SCN9A: variants seen among roughly 807,000 people sequenced by gnomAD.
The protein encoded by SCN9A is sodium channel protein type 9 subunit alpha.
In SCN9A, 131 loss-of-function variants were observed where a neutral mutation model predicts 187.0. The observed-to-expected ratio is 0.70, with a 90% CI of 0.61 to 0.81. The LOEUF (loss-of-function observed/expected upper bound fraction) is 0.81. Ranked by LOEUF, SCN9A falls within the 30% of genes least tolerant of loss-of-function variation. The pLI is 0.00. For missense variants in SCN9A, 2,252 were observed against 2,396.6 expected (o/e 0.94, Z 1.26); for synonymous variants, 809 against 808.6 (o/e 1.00, Z -0.01).
chr2:166,311,147 A>G (rs1452835605), intron 2 of SCN9A, among the ~76,000 whole-genome samples: 1 of 116,586 alleles, frequency 8.6e-6, no homozygotes, highest in Non-Finnish European at 1.8e-5. Flanking sequence ...ACCTAATGCT[A>G]GATGACCAGT....
chr2:166,296,416 G>T (rs1698304695), intron 7 of SCN9A, among the ~76,000 whole-genome samples: 1 of 152,172 alleles, frequency 6.6e-6, no homozygotes, highest in South Asian at 2.1e-4. Flanking sequence ...AGTTTGAGGT[G>T]CAAATGTAGG....
intron 5 of SCN9A, among the ~76,000 whole-genome samples, chr2:166,305,255 A>G (rs1164824382): frequency 2.6e-5 from 4 of 152,144 alleles, no homozygotes; most frequent in African/African-American, 9.7e-5. Flanking sequence ...ATAAATTAAA[A>G]TTATACTGTA....
In SCN9A at chr2:166,281,790, G is replaced by A. The variant is rs375720286; in HGVS notation, c.1993C>T (p.His665Tyr). Residue 665 changes from histidine to tyrosine, a missense_variant, in exon 13 of 27, where the codon CAC (histidine) becomes TAC (tyrosine). His to Tyr is a moderately conservative substitution (Grantham distance 83). Around this residue, in one of 7 missense-constraint regions of SCN9A, gnomAD observed 1,013 missense variants for 997.4 expected, o/e 1.02. Coordinates refer to ENST00000642356, the MANE Select transcript of SCN9A (RefSeq NM_001365536.1). ...TAGGAACTACAACGCCTTTTCTTGT[G>A]TATTTGATTGGTCGTGCCCTAAAAA... The part of the protein sequence containing the change: ...SDDSGTTNQI[H>Y]KKRRCSSYLL... 6.2e-7 allele frequency: 1 copy of A among 1,611,448 alleles called. No homozygotes were observed. Among genetic ancestry groups the A allele is most frequent in the African/African-American group, 1.3e-5 (1 of 74,798 alleles).
chr2:166,296,959 A>G (rs946987195), intron 7 of SCN9A, among the ~76,000 whole-genome samples: 3 of 152,074 alleles, frequency 2.0e-5, no homozygotes, highest in African/African-American at 7.2e-5. Flanking sequence ...GCACTTTGGG[A>G]GGTCGAGGCG....
intron 1 of SCN9A, among the ~76,000 whole-genome samples, chr2:166,338,872 C>T (rs1387228408): frequency 6.6e-6 from 1 of 151,978 alleles, no homozygotes; most frequent in Non-Finnish European, 1.5e-5. Flanking sequence ...ATACTTTGCT[C>T]AAGGTAACAC....
At chr2:166,306,342 T>C (rs1574906216) in intron 4 of SCN9A, among the ~76,000 whole-genome samples, 168 bp downstream of exon 4, 1 of 152,122 alleles carries the variant, frequency 6.6e-6, no homozygotes, top group Non-Finnish European at 1.5e-5. Context: ...TTTTCTAATC[T>C]AGCAGGTTAA....
chr2:166,218,504 G>A (rs1694439425), intron 24 of SCN9A, among the ~76,000 whole-genome samples: 1 of 152,152 alleles, frequency 6.6e-6, no homozygotes, highest in South Asian at 2.1e-4. Flanking sequence ...GGAAGACGAT[G>A]TGGAGAAAGT....
Position 166,214,192 on chromosome 2 carries a change from A to G in SCN9A, c.4399-9728T>C, listed in dbSNP as rs1011781017. On this transcript the variant is annotated intron_variant, in intron 24 of 26. Transcript: ENST00000642356. Reference sequence around the variant, plus strand: ...CACAGAGCTTGGCTTTTAGATCACCATGCTTGAGGAATGGCAGAGATAAGC... The same window carrying G: ...CACAGAGCTTGGCTTTTAGATCACCGTGCTTGAGGAATGGCAGAGATAAGC... Among the ~76,000 whole-genome samples, 5 of 152,218 alleles carry G rather than the reference A, an allele frequency of 3.3e-5. No homozygotes were observed. In the East Asian group the frequency reaches 9.7e-4, roughly 30 times the overall value.
At chr2:166,231,345 T>A (rs1695074954) in intron 21 of SCN9A, among the ~76,000 whole-genome samples, 1 of 152,172 alleles carries the variant, frequency 6.6e-6, no homozygotes, top group African/African-American at 2.4e-5. Flanking sequence ...TCATGATCTT[T>A]CTTTTATACT....
intron 24 of SCN9A, among the ~76,000 whole-genome samples, chr2:166,209,507 T>C (rs1334270903): frequency 2.0e-5 from 3 of 151,798 alleles, no homozygotes; most frequent in East Asian, 1.9e-4. Flanking sequence ...AAAAGTCAAA[T>C]ATCAGTAAAA....
chr2:166,289,429 C>T (rs552128021), intron 9 of SCN9A, among the ~76,000 whole-genome samples: 92 of 151,842 alleles, frequency 6.1e-4, no homozygotes, highest in African/African-American at 2.0e-3. Context: ...TGAGAACATG[C>T]GTTGTTTGGT....
intron 1 of SCN9A, among the ~76,000 whole-genome samples, chr2:166,326,292 C>T (rs1183383159): frequency 2.0e-5 from 3 of 152,132 alleles, no homozygotes; most frequent in Admixed American, 6.5e-5. Context: ...AGGTGCGAAA[C>T]GATTGAATCT....
chr2:166,240,850 G>A (rs1210528520), intron 19 of SCN9A, among the ~76,000 whole-genome samples: 1 of 152,022 alleles, frequency 6.6e-6, no homozygotes, highest in Non-Finnish European at 1.5e-5. Context: ...AGGGTCTCTG[G>A]GACAAAGAGC....
chr2:166,323,638 T>A (rs1699296213), intron 1 of SCN9A, among the ~76,000 whole-genome samples: 1 of 152,154 alleles, frequency 6.6e-6, no homozygotes, highest in African/African-American at 2.4e-5. Flanking sequence ...CTTGGCCACA[T>A]AACAGGTACT....
chr2:166,284,047 G>A (rs533817015), intron 12 of SCN9A, among the ~76,000 whole-genome samples: 1 of 152,288 alleles, frequency 6.6e-6, no homozygotes, highest in East Asian at 1.9e-4. Flanking sequence ...TACATATTAA[G>A]CTGTGACCTG....
intron 16 of SCN9A, among the ~76,000 whole-genome samples, chr2:166,275,776 A>C (rs1279214888): frequency 6.6e-6 from 1 of 152,152 alleles, no homozygotes; most frequent in East Asian, 1.9e-4. Context: ...TCCAGGATGT[A>C]TATTTTTTGT....
At chr2:166,372,475 A>G (rs1309313261) in intron 1 of SCN9A, among the ~76,000 whole-genome samples, 5 of 152,204 alleles carry the variant, frequency 3.3e-5, no homozygotes, top group Admixed American at 6.5e-5. Context: ...AAACCTAACA[A>G]GGTTATCATT....
Position 166,228,844 on chromosome 2 carries a change from A to C in SCN9A, c.4053T>G (p.Ile1351Met). Residue 1351 changes from isoleucine (I) to methionine (M), a missense_variant, in exon 22 of 27, where the codon ATT becomes ATG. Coordinates refer to ENST00000642356, the MANE Select transcript of SCN9A (RefSeq NM_001365536.1). ...GAAACCGTGACCCATCTGTGGTGTT[A>C]ATACACTCATAGAACTTGCCAGCAA... is the stretch of plus-strand genomic sequence containing the variant. Reference protein sequence around the residue: ...NLFAGKFYECINTTDGSRFPA... With the variant: ...NLFAGKFYECMNTTDGSRFPA... 1 of 1,613,970 alleles carries C rather than the reference A, an allele frequency of 6.2e-7. No individual in the cohort carries two copies. Among genetic ancestry groups the C allele is most frequent in the East Asian group, 2.2e-5 (1 of 44,880 alleles).
chr2:166,222,962 A>AAAAAAAAAAAAAAAAAAAAAAAAAAAC (rs1694680886), intron 24 of SCN9A, among the ~76,000 whole-genome samples: 1 of 147,472 alleles, frequency 6.8e-6, no homozygotes, highest in Non-Finnish European at 1.5e-5. Flanking sequence ...AAAAAAAAAA[A>AAAAAAAAAAAAAAAAAAAAAAAAAAAC]AAAAAAAAAA....
Sources: gnomAD v4.1 joint callset for allele counts (sites outside exome capture counted in the v4.1 genomes callset) on GRCh38, gnomAD v4.1.1 for gene constraint, gnomAD v4.1.1 regional missense constraint, MANE v1.5 for transcripts, NCBI Gene and HGNC (gene_info 2026-07-23, HGNC 2026-07-21) for gene names.